The following BBS9 variants were observed in gnomAD, a reference collection of about 807,000 sequenced individuals.
BBS9 encodes protein PTHB1.
BBS9 carries 89 observed loss-of-function variants against 117.7 expected under a neutral mutation model. That is an observed-to-expected ratio of 0.76 (90% confidence interval 0.64 to 0.90). BBS9 has a LOEUF of 0.90. Among genes scored for constraint, BBS9 ranks in the 40% least tolerant of loss-of-function variants. BBS9 has a pLI of 0.00. For synonymous variants in BBS9, 379 were observed against 370.9 expected (o/e 1.02, Z -0.25); for missense variants, 982 against 1,042.2 (o/e 0.94, Z 0.80).
intron 15 of BBS9, among the ~76,000 whole-genome samples, chr7:33,353,558 A>G (rs1419309435): frequency 1.3e-5 from 2 of 152,094 alleles, no homozygotes; most frequent in African/African-American, 4.8e-5. Flanking sequence ...TTGCATACTA[A>G]CAGAGTACAT....
intron 16 of BBS9, among the ~76,000 whole-genome samples, chr7:33,362,306 C>T (rs999384275): frequency 6.6e-6 from 1 of 152,090 alleles, no homozygotes; most frequent in Non-Finnish European, 1.5e-5. Context: ...CTTAATGGTT[C>T]ATAAATTTAC....
intron 9 of BBS9, among the ~76,000 whole-genome samples, chr7:33,323,371 T>C (rs1812124799): frequency 1.3e-5 from 2 of 152,188 alleles, no homozygotes; most frequent in Admixed American, 1.3e-4. Flanking sequence ...TCTACCTTTG[T>C]CTTTTGCTCT....
At chr7:33,476,397 A>G (rs1002256175) in intron 19 of BBS9, among the ~76,000 whole-genome samples, 2 of 152,166 alleles carry the variant, frequency 1.3e-5, no homozygotes, top group Admixed American at 1.3e-4. Flanking sequence ...CTCAGGATCC[A>G]CGTCAGCTGG....
At chr7:33,583,168 T>C (rs1860283778) in intron 21 of BBS9, among the ~76,000 whole-genome samples, 1 of 152,170 alleles carries the variant, frequency 6.6e-6, no homozygotes, top group African/African-American at 2.4e-5. Context: ...TGAAAGCATT[T>C]AGCACCATGC....
chr7:33,349,359 G>C (rs1275822165), intron 13 of BBS9, 189 bp downstream of exon 13: 1 of 625,704 alleles, frequency 1.6e-6, no homozygotes, highest in Non-Finnish European at 3.0e-6. Context: ...AATGATTGTT[G>C]GGTCAAATTA....
At chr7:33,391,095 C>T (rs1826999574) in intron 19 of BBS9, among the ~76,000 whole-genome samples, 1 of 152,140 alleles carries the variant, frequency 6.6e-6, no homozygotes, top group African/African-American at 2.4e-5. Context: ...TTTTCGACAA[C>T]TCTCCTGGGA....
chr7:33,214,133 G>A (rs1315017133), intron 5 of BBS9, among the ~76,000 whole-genome samples: 1 of 152,172 alleles, frequency 6.6e-6, no homozygotes, highest in Non-Finnish European at 1.5e-5. Flanking sequence ...TCATGATGGC[G>A]AGGCCTGTTG....
At chr7:33,615,732 G>A (rs937282673) in intron 21 of BBS9, among the ~76,000 whole-genome samples, 3 of 152,024 alleles carry the variant, frequency 2.0e-5, no homozygotes, top group African/African-American at 4.8e-5. Flanking sequence ...GAACATCAAA[G>A]TGGGTAAATA....
At chr7:33,173,908 A>G (rs1796967538) in intron 4 of BBS9, among the ~76,000 whole-genome samples, 1 of 152,230 alleles carries the variant, frequency 6.6e-6, no homozygotes, top group Non-Finnish European at 1.5e-5. Flanking sequence ...CTAAGTGTGC[A>G]AGAAAAATGA....
chr7:33,565,843 C>CTT lies in BBS9; in HGVS notation c.2521+31668_2521+31669dup, dbSNP rs70989958. Reference sequence around the variant, plus strand: ...TATATATATACCGCTATATATACTGCTTATATATATATATATATATATATA... The same window carrying CTT: ...TATATATATACCGCTATATATACTGCTTTTATATATATATATATATATATATA... On this transcript the variant is annotated intron_variant, in intron 21 of 22. Coordinates refer to ENST00000242067, the MANE Select transcript of BBS9 (RefSeq NM_198428.3). Among the ~76,000 whole-genome samples the CTT allele has an allele frequency of 2.9e-4, 10 of 34,048 alleles. 1 individual carries two copies. The highest frequency in any genetic ancestry group is 1.6e-3 in the Admixed American group (6 of 3,818). The allele number at this position is 34,048 out of a possible 152,430, so 22.3% of individuals were successfully genotyped here.
chr7:33,328,553 C>T (rs1813310383), intron 9 of BBS9, among the ~76,000 whole-genome samples: 2 of 152,164 alleles, frequency 1.3e-5, no homozygotes, highest in Non-Finnish European at 2.9e-5. Flanking sequence ...CAATCATATG[C>T]TCCTTACTGA....
At chr7:33,551,220 G>C (rs1854361685) in intron 21 of BBS9, among the ~76,000 whole-genome samples, 1 of 152,266 alleles carries the variant, frequency 6.6e-6, no homozygotes, top group East Asian at 1.9e-4. Context: ...TAGCAAGGGG[G>C]TGCCAGGCCC....
rs58949565 is a variant in BBS9, at chr7:33,234,030, C to T, written c.443-23206C>T. Among the ~76,000 whole-genome samples, 2,711 of 152,162 alleles carry T rather than the reference C, an allele frequency of 0.018. 214 individuals carry two copies. The East Asian group carries it at 0.27, about 15-fold the overall frequency. On this transcript the variant is annotated intron_variant, in intron 5 of 22. Transcript: ENST00000242067. ...CCAGGATGCAAACCATCTTTTTGTC[C>T]CACATATCCACCCTGTAGACACTAA... is the stretch of plus-strand genomic sequence containing the variant.
intron 9 of BBS9, among the ~76,000 whole-genome samples, chr7:33,295,648 A>G (rs926693315): frequency 2.0e-5 from 3 of 152,070 alleles, no homozygotes; most frequent in Non-Finnish European, 4.4e-5. Flanking sequence ...GAAAACACTG[A>G]CATTGAAGTA....
At chr7:33,348,919 A>ATTAC in intron 12 of BBS9, 149 bp from the exon 13 acceptor site, 1 of 609,122 alleles carries the variant, frequency 1.6e-6, no homozygotes, top group Non-Finnish European at 3.0e-6. Flanking sequence ...ATTTTAATCT[A>ATTAC]TTACTTACTG....
At chr7:33,416,095 A>G (rs1404312772) in intron 19 of BBS9, among the ~76,000 whole-genome samples, 1 of 152,130 alleles carries the variant, frequency 6.6e-6, no homozygotes. Context: ...CAGCCTATCA[A>G]AGTTCTGGGA....
At chr7:33,262,036 T>C (rs1387444302) in intron 6 of BBS9, among the ~76,000 whole-genome samples, 1 of 152,192 alleles carries the variant, frequency 6.6e-6, no homozygotes, top group Non-Finnish European at 1.5e-5. Context: ...GATTTTTACA[T>C]ACTTTATTGG....
chr7:33,291,714 CA>C (rs1804083041), intron 9 of BBS9, among the ~76,000 whole-genome samples: 1 of 152,120 alleles, frequency 6.6e-6, no homozygotes, highest in African/African-American at 2.4e-5. Flanking sequence ...CATAGAAACC[CA>C]GTGAATTCTA....
At position 33,494,523 on chromosome 7, in the gene BBS9, A is replaced by G. The variant is rs2129000668; in HGVS notation, c.2116-10940A>G. ...TGGATTTAGAGCCCAGTTATTTACA[A>G]CCTGTGGTAAACCCAATGAATAACA... On this transcript the variant is annotated intron_variant, in intron 19 of 22. Transcript: ENST00000242067. Among the ~76,000 whole-genome samples, 2 of 152,324 alleles carry G rather than the reference A, an allele frequency of 1.3e-5. 1 individual carries two copies. The highest frequency in any genetic ancestry group is 4.1e-4 in the South Asian group (2 of 4,824).
Sources: allele counts gnomAD v4.1 joint callset (sites outside exome capture counted in the v4.1 genomes callset), GRCh38; gene constraint gnomAD v4.1.1; transcripts MANE v1.5; gene names NCBI Gene and HGNC (gene_info 2026-07-23, HGNC 2026-07-21).